The following PCDHGA7 variants were observed in gnomAD, a reference collection of about 807,000 sequenced individuals.
The protein encoded by PCDHGA7 is protocadherin gamma-A7.
PCDHGA7 carries 44 observed loss-of-function variants against 58.3 expected under a neutral mutation model. The observed-to-expected ratio is 0.75, with a 90% CI of 0.59 to 0.97. PCDHGA7 has a LOEUF of 0.97. Ranked by LOEUF, PCDHGA7 falls within the 50% of genes least tolerant of loss-of-function variation. The pLI is 0.00. For synonymous variants in PCDHGA7, 516 were observed against 504.2 expected (o/e 1.02, Z -0.31); for missense variants, 1,266 against 1,188.7 (o/e 1.06, Z -0.96).
intron 1 of PCDHGA7, chr5:141,418,453 G>T (rs2096259626): frequency 1.2e-6 from 2 of 1,614,060 alleles, no homozygotes; most frequent in East Asian, 4.5e-5. Flanking sequence ...TATTGCAGAA[G>T]ACTCTGGACC....
chr5:141,415,270 G>A (rs1044469814), intron 1 of PCDHGA7: 1 of 1,614,118 alleles, frequency 6.2e-7, no homozygotes, highest in Non-Finnish European at 8.5e-7. Flanking sequence ...GTACCTGGTG[G>A]TAGCGGTGGC....
chr5:141,394,760 T>C (rs374519404), intron 1 of PCDHGA7: 68 of 1,613,366 alleles, frequency 4.2e-5, no homozygotes, highest in Middle Eastern at 3.3e-4. Flanking sequence ...TCCAGGACCA[T>C]GGCCAGCCCC....
intron 2 of PCDHGA7, among the ~76,000 whole-genome samples, chr5:141,502,428 A>C (rs2099814217): frequency 6.6e-6 from 1 of 151,978 alleles, no homozygotes; most frequent in South Asian, 2.1e-4. Flanking sequence ...CTATTCTCTG[A>C]TGGTTAGATT....
rs1368632691 is a variant in PCDHGA7 at position 141,485,071 on chromosome 5, C to A, written c.2425-9736C>A. ...GCCGGCCGAACCGCGCCAGAGCTGG[C>A]GCGGGGAAAGGGAGATAGGTGTCTC... On this transcript the variant is annotated intron_variant, in intron 1 of 3. Coordinates refer to ENST00000518325, the MANE Select transcript of PCDHGA7 (RefSeq NM_018920.4). This position sits in a 1 kb window ranked among gnomAD's most constrained non-coding sequence, Gnocchi z 5.7. 3.3e-6 allele frequency: 3 copies of A among 913,030 alleles called. No individual in the cohort carries two copies. Among genetic ancestry groups the A allele is most frequent in the Non-Finnish European group, 5.1e-6 (3 of 584,604 alleles). 56.6% of individuals were successfully genotyped at this position (913,030 alleles called of 1,614,324 possible).
chr5:141,384,015 A>G lies in PCDHGA7; in HGVS notation c.1116A>G (p.Gln372=). ...CAGTCATTGCTCTTTTCTACCTACA[A>G]GACAGAGATTCTGGAAAGAATGGTG... ...LGTVIALFYL[Q]DRDSGKNGEV... The change falls in exon 1 of 4, where the codon CAA becomes CAG. Residue 372 remains glutamine (Q), a synonymous_variant. Coordinates refer to ENST00000518325, the MANE Select transcript of PCDHGA7 (RefSeq NM_018920.4). 6.2e-7 allele frequency: 1 copy of G among 1,613,830 alleles called. No homozygotes were observed. The highest frequency in any genetic ancestry group is 8.5e-7 in the Non-Finnish European group (1 of 1,179,812).
intron 1 of PCDHGA7, chr5:141,441,502 T>G (rs2098250414): frequency 5.8e-6 from 1 of 173,754 alleles, no homozygotes; most frequent in African/African-American, 2.4e-5. Context: ...CTACCAGGCC[T>G]CCTACGTCGT....
Position 141,487,649 on chromosome 5 carries a change from G to T in PCDHGA7, c.2425-7158G>T. The T allele has an allele frequency of 1.2e-6, 2 of 1,614,020 alleles. No individual in the cohort carries two copies. The highest frequency in any genetic ancestry group is 1.7e-6 in the Non-Finnish European group (2 of 1,179,968). The stretch of plus-strand genomic sequence containing the variant: ...TTTGCAGGCTCAACAAATGCTTGAG[G>T]GTTATTCTGATCCAGGCATATGGCT... On this transcript the variant is annotated intron_variant, in intron 1 of 3. Coordinates refer to ENST00000518325, the MANE Select transcript of PCDHGA7 (RefSeq NM_018920.4). This position sits in a 1 kb window ranked among gnomAD's most constrained non-coding sequence, Gnocchi z 5.0.
chr5:141,387,421 A>T (rs1379081151), intron 1 of PCDHGA7, among the ~76,000 whole-genome samples: 1 of 152,250 alleles, frequency 6.6e-6, no homozygotes, highest in Non-Finnish European at 1.5e-5. Flanking sequence ...GCTTATGTCA[A>T]TAAATGTTTA....
intron 1 of PCDHGA7, chr5:141,387,800 T>G: frequency 4.6e-6 from 7 of 1,509,374 alleles, no homozygotes; most frequent in Non-Finnish European, 6.2e-6. Context: ...TAAAGTCCGT[T>G]CGGAGATCCA....
At chr5:141,426,432 C>T (rs1239073805) in intron 1 of PCDHGA7, 2 of 295,812 alleles carry the variant, frequency 6.8e-6, no homozygotes, top group African/African-American at 2.2e-5. Flanking sequence ...TGGTGGGGAA[C>T]CTTGCGGAGG....
In PCDHGA7 at chr5:141,386,024, TG is replaced by T. The variant is rs758923656; in HGVS notation, c.2424+702del. The T allele has an allele frequency of 2.6e-5, 4 of 152,242 alleles. No homozygotes were observed. The East Asian group carries it at 5.8e-4, about 22-fold the overall frequency. 9.4% of individuals were successfully genotyped at this position (152,242 alleles called of 1,614,324 possible). On this transcript the variant is annotated intron_variant, in intron 1 of 3. Transcript: ENST00000518325. ...CATTTTAAGTGTTGTAATTGGCATTTGTGACATAGGCAATTACATGTTTTAA... is the reference window on the plus strand; with the variant it reads ...CATTTTAAGTGTTGTAATTGGCATTTTGACATAGGCAATTACATGTTTTAA...
chr5:141,427,028 C>T (rs960885416), intron 1 of PCDHGA7: 12 of 456,928 alleles, frequency 2.6e-5, no homozygotes, highest in Admixed American at 2.1e-4. Flanking sequence ...ACAAAGTCAG[C>T]CTTAGAGAGA....
chr5:141,399,195 G>A (rs773731727), intron 1 of PCDHGA7: 5 of 1,613,852 alleles, frequency 3.1e-6, no homozygotes, highest in Non-Finnish European at 4.2e-6. Context: ...TGGAAAACGC[G>A]GTGCCTGGAA....
intron 1 of PCDHGA7, chr5:141,420,293 A>G: frequency 1.3e-6 from 2 of 1,485,602 alleles, no homozygotes; most frequent in Non-Finnish European, 9.1e-7. Context: ...TTAAAAATGT[A>G]TTTAATCCTT....
intron 1 of PCDHGA7, chr5:141,393,816 A>T: frequency 6.2e-7 from 1 of 1,613,988 alleles, no homozygotes; most frequent in South Asian, 1.1e-5. Context: ...CAAATTGCTC[A>T]TTTCGGTGGA....
intron 1 of PCDHGA7, chr5:141,419,265 C>G: frequency 6.2e-7 from 1 of 1,614,040 alleles, no homozygotes; most frequent in Non-Finnish European, 8.5e-7. Context: ...CAGCCGGGTG[C>G]CTCCATAGCG....
chr5:141,432,452 C>G lies in PCDHGA7; in HGVS notation c.2424+47129C>G. The G allele has an allele frequency of 6.2e-7, 1 of 1,614,212 alleles. No individual in the cohort carries two copies. The highest frequency in any genetic ancestry group is 8.5e-7 in the Non-Finnish European group (1 of 1,180,042). On this transcript the variant is annotated intron_variant, in intron 1 of 3. Coordinates refer to ENST00000518325, the MANE Select transcript of PCDHGA7 (RefSeq NM_018920.4). The surrounding 1 kb of genome is among the most constrained non-coding windows in gnomAD (Gnocchi z 6.0). ...CGACAATGCGCCCGAGATCCTGTACCCCGCCCTCCCCACGGACGGTTCCAC... is the reference window on the plus strand; with the variant it reads ...CGACAATGCGCCCGAGATCCTGTACGCCGCCCTCCCCACGGACGGTTCCAC...
chr5:141,387,777 C>G, intron 1 of PCDHGA7: 1 of 1,453,750 alleles, frequency 6.9e-7, no homozygotes, highest in Non-Finnish European at 9.2e-7. Context: ...TTTTCTTGAA[C>G]TGGAACTGCA....
At chr5:141,478,332 G>A (rs773442842) in intron 1 of PCDHGA7, 1 of 1,613,924 alleles carries the variant, frequency 6.2e-7, no homozygotes, top group Non-Finnish European at 8.5e-7. Context: ...CGAACACCAG[G>A]GCCCTCCTTG....
Sources: gnomAD v4.1 joint callset for allele counts (sites outside exome capture counted in the v4.1 genomes callset) on GRCh38, gnomAD v4.1.1 for gene constraint, Gnocchi (gnomAD v3.1) non-coding constraint, MANE v1.5 for transcripts, NCBI Gene and HGNC (gene_info 2026-07-23, HGNC 2026-07-21) for gene names.